CDH12: variants seen among roughly 807,000 people sequenced by gnomAD.
CDH12 encodes the protein cadherin 12.
CDH12 carries 41 observed loss-of-function variants against 74.1 expected under a neutral mutation model. The observed-to-expected ratio is 0.55, with a 90% CI of 0.43 to 0.72. The LOEUF is 0.72. Among genes scored for constraint, CDH12 ranks in the 30% least tolerant of loss-of-function variants. The pLI, the probability that CDH12 is intolerant of heterozygous loss-of-function variation, is 0.00. For synonymous variants in CDH12, 399 were observed against 355.0 expected, an observed-to-expected ratio of 1.12 and a Z score of -1.39; for missense variants, 945 against 977.2, an observed-to-expected ratio of 0.97 and a Z score of 0.44.
chr5:21,798,351 T>C (rs951470381), intron 10 of CDH12, among the ~76,000 whole-genome samples: 9 of 152,024 alleles, frequency 5.9e-5, no homozygotes, highest in Admixed American at 3.9e-4. Flanking sequence ...TGTTGTAATA[T>C]GGAAATGTAA....
intron 1 of CDH12, among the ~76,000 whole-genome samples, chr5:22,522,549 T>C (rs1253222593): frequency 1.3e-5 from 2 of 152,166 alleles, no homozygotes; most frequent in Non-Finnish European, 2.9e-5. Flanking sequence ...ATTTTCTCCA[T>C]ACCTCCATAC....
intron 2 of CDH12, among the ~76,000 whole-genome samples, chr5:22,497,209 G>A (rs373458767): frequency 1.3e-5 from 2 of 152,150 alleles, no homozygotes; most frequent in East Asian, 3.9e-4. Flanking sequence ...ATATCTACTA[G>A]GATGAACTCA....
chr5:21,859,475 C>T (rs1271486923), intron 6 of CDH12, among the ~76,000 whole-genome samples: 1 of 151,896 alleles, frequency 6.6e-6, no homozygotes, highest in Non-Finnish European at 1.5e-5. Flanking sequence ...ATCAGTTCTC[C>T]AGAAGGCTGT....
intron 1 of CDH12, among the ~76,000 whole-genome samples, chr5:22,751,641 T>G (rs961269559): frequency 5.9e-5 from 9 of 152,088 alleles, no homozygotes; most frequent in African/African-American, 1.9e-4. Context: ...TTGTAAAAAG[T>G]TCCAGTTGAT....
chr5:22,135,109 T>C (rs1388861552), intron 4 of CDH12, among the ~76,000 whole-genome samples: 1 of 151,832 alleles, frequency 6.6e-6, no homozygotes, highest in African/African-American at 2.4e-5. Context: ...AGCTTTTATT[T>C]TTACAAAGAA....
chr5:22,374,708 A>G (rs774621038), intron 3 of CDH12, among the ~76,000 whole-genome samples: 1 of 152,126 alleles, frequency 6.6e-6, no homozygotes, highest in Non-Finnish European at 1.5e-5. Flanking sequence ...ATCATTAACA[A>G]TAACTATAAA....
chr5:22,341,323 A>T (rs976983600), intron 3 of CDH12, among the ~76,000 whole-genome samples: 11 of 152,154 alleles, frequency 7.2e-5, no homozygotes, highest in Non-Finnish European at 1.5e-4. Context: ...TATCTCTACA[A>T]AAAGAATAAA....
chr5:22,436,602 G>A (rs576297436), intron 2 of CDH12, among the ~76,000 whole-genome samples: 87 of 152,032 alleles, frequency 5.7e-4, no homozygotes, highest in African/African-American at 2.0e-3. Context: ...CCCCTGTCTT[G>A]AGAAATCAGC....
chr5:22,679,482 T>A (rs1348709826), intron 1 of CDH12, among the ~76,000 whole-genome samples: 1 of 152,024 alleles, frequency 6.6e-6, no homozygotes, highest in South Asian at 2.1e-4. Flanking sequence ...AGAAAAAAAA[T>A]GCCTTGTGAC....
chr5:22,704,404 A>G (rs1481848303), intron 1 of CDH12, among the ~76,000 whole-genome samples: 1 of 152,134 alleles, frequency 6.6e-6, no homozygotes, highest in Non-Finnish European at 1.5e-5. Context: ...ATTTGCAATC[A>G]AATTTTTTTT....
chr5:21,842,581 C>G (rs945183193), intron 7 of CDH12, among the ~76,000 whole-genome samples: 5 of 152,020 alleles, frequency 3.3e-5, no homozygotes, highest in African/African-American at 1.2e-4. Context: ...TGTATCACCT[C>G]TAAGAGGTAG....
intron 5 of CDH12, among the ~76,000 whole-genome samples, chr5:21,998,137 G>C (rs4629552): frequency 0.29 from 43,366 of 151,714 alleles, 9,955 homozygotes; most frequent in African/African-American, 0.64. Context: ...TTACTTTGTC[G>C]TTATTCTCTT....
At chr5:21,973,039 A>G (rs902220247) in intron 6 of CDH12, among the ~76,000 whole-genome samples, 1 of 136,194 alleles carries the variant, frequency 7.3e-6, no homozygotes, top group Non-Finnish European at 1.5e-5. Context: ...TCCCTTCTCT[A>G]CAAAAAGTAA....
At chr5:22,322,521 A>G (rs1738928383) in intron 3 of CDH12, among the ~76,000 whole-genome samples, 1 of 152,188 alleles carries the variant, frequency 6.6e-6, no homozygotes, top group Non-Finnish European at 1.5e-5. Context: ...GAAACTCAAT[A>G]AATTTAAATT....
intron 6 of CDH12, among the ~76,000 whole-genome samples, chr5:21,872,996 T>A (rs1232499249): frequency 6.6e-6 from 1 of 152,062 alleles, no homozygotes; most frequent in East Asian, 1.9e-4. Flanking sequence ...CATATGTGTA[T>A]TATATATATG....
chr5:22,075,227 A>G (rs1417652432), intron 5 of CDH12, among the ~76,000 whole-genome samples: 14 of 147,412 alleles, frequency 9.5e-5, no homozygotes, highest in African/African-American at 3.2e-4. Flanking sequence ...ACCAAACACC[A>G]CATGTTCTCA....
At position 21,782,661 on chromosome 5, in the gene CDH12, A is replaced by G. The variant is rs189124307; in HGVS notation, c.1393+697T>C. ...GGGAGCTGCACTTTTATTAAGAACA[A>G]TTATCTCAAGAGCCAAACGTCACCA... On this transcript the variant is annotated intron_variant, in intron 11 of 14. Transcript: ENST00000382254. Among the ~76,000 whole-genome samples the G allele has an allele frequency of 1.2e-3, 182 of 152,292 alleles. 1 individual carries two copies. Among genetic ancestry groups the G allele is most frequent in the African/African-American group, 4.2e-3 (174 of 41,580 alleles).
intron 1 of CDH12, among the ~76,000 whole-genome samples, chr5:22,677,102 A>G (rs1580877599): frequency 2.0e-5 from 3 of 152,316 alleles, no homozygotes; most frequent in African/African-American, 7.2e-5. Flanking sequence ...TGATACAAAC[A>G]CAAAAGCACA....
intron 1 of CDH12, among the ~76,000 whole-genome samples, chr5:22,724,100 G>A (rs1470136527): frequency 1.3e-5 from 2 of 151,654 alleles, no homozygotes; most frequent in Admixed American, 6.6e-5. Flanking sequence ...TAGGTACCCT[G>A]GAATTGGGGT....
Sources: allele counts gnomAD v4.1 joint callset (sites outside exome capture counted in the v4.1 genomes callset), GRCh38; gene constraint gnomAD v4.1.1; transcripts MANE v1.5; gene names NCBI Gene and HGNC (gene_info 2026-07-23, HGNC 2026-07-21).